Variants in RIC8B observed in about 807,000 individuals in gnomAD.
RIC8B encodes RIC8 guanine nucleotide exchange factor B, also known as chaperone Ric-8B.
A neutral mutation model predicts 57.5 loss-of-function variants in RIC8B; 16 were observed. The observed-to-expected ratio is 0.28, with a 90% CI of 0.19 to 0.42. RIC8B has a LOEUF of 0.42. Ranked by LOEUF, RIC8B falls within the 10% of genes least tolerant of loss-of-function variation. The pLI is 1.00. For missense variants in RIC8B, 481 were observed against 677.0 expected (o/e 0.71, Z 3.21); for synonymous variants, 216 against 250.8 (o/e 0.86, Z 1.31).
intron 4 of RIC8B, among the ~76,000 whole-genome samples, chr12:106,827,833 G>A (rs1241065281): frequency 6.6e-6 from 1 of 152,036 alleles, no homozygotes; most frequent in East Asian, 1.9e-4. Flanking sequence ...ATAAGCCCAA[G>A]AGTAAATTGA....
intron 7 of RIC8B, among the ~76,000 whole-genome samples, chr12:106,854,199 T>C (rs989310669): frequency 7.2e-5 from 11 of 152,144 alleles, no homozygotes; most frequent in African/African-American, 2.7e-4. Context: ...TTTTTAAATG[T>C]TGTCAGCTAG....
chr12:106,824,226 A>T (rs911154018), intron 3 of RIC8B, among the ~76,000 whole-genome samples: 1 of 152,214 alleles, frequency 6.6e-6, no homozygotes, highest in East Asian at 1.9e-4. Flanking sequence ...ACTTTTATGC[A>T]TATCATCTTC....
At chr12:106,777,544 T>C (rs1216517969) in intron 1 of RIC8B, among the ~76,000 whole-genome samples, 1 of 152,150 alleles carries the variant, frequency 6.6e-6, no homozygotes, top group East Asian at 1.9e-4. Flanking sequence ...CGGTTCGTTA[T>C]TTGGGAGAGT....
At chr12:106,855,037 G>C (rs553295149) in intron 7 of RIC8B, among the ~76,000 whole-genome samples, 1 of 152,258 alleles carries the variant, frequency 6.6e-6, no homozygotes, top group African/African-American at 2.4e-5. Context: ...GCCTTACATT[G>C]TTTAATTAAA....
At chr12:106,785,813 C>CTCTGTG (rs1376526047) in intron 2 of RIC8B, among the ~76,000 whole-genome samples, 1 of 123,852 alleles carries the variant, frequency 8.1e-6, no homozygotes, top group Non-Finnish European at 1.7e-5. Flanking sequence ...CTCTCTCTCT[C>CTCTGTG]TGTGTGTGTG....
chr12:106,837,341 G>A (rs1445746126), intron 4 of RIC8B, among the ~76,000 whole-genome samples: 3 of 151,550 alleles, frequency 2.0e-5, no homozygotes, highest in Non-Finnish European at 2.9e-5. Flanking sequence ...CAGCCTGGGC[G>A]ACAGAGCAAG....
At chr12:106,817,779 C>T (rs1316676025) in intron 3 of RIC8B, among the ~76,000 whole-genome samples, 1 of 149,400 alleles carries the variant, frequency 6.7e-6, no homozygotes, top group East Asian at 2.0e-4. Context: ...AAGCGGAGAT[C>T]GCGCCACTGC....
In RIC8B at chr12:106,870,725, T is replaced by TTA. The variant is rs1382689073; in HGVS notation, c.1452-95_1452-94dup. 1.5e-5 allele frequency: 15 copies of TTA among 988,852 alleles called. No individual in the cohort carries two copies. The East Asian group carries it at 4.1e-4, about 27-fold the overall frequency. 61.3% of individuals were successfully genotyped at this position (988,852 alleles called of 1,614,324 possible). ...GAAATTATTGCCAATTTTTTGGCTA[T>TTA]TATACTCTTTCTTATTATCACTTAA... On this transcript the variant is annotated intron_variant, in intron 8 of 9. Coordinates refer to ENST00000392837, the MANE Select transcript of RIC8B (RefSeq NM_001330145.2).
intron 1 of RIC8B, among the ~76,000 whole-genome samples, chr12:106,780,194 G>A (rs1231281783): frequency 5.9e-5 from 9 of 152,134 alleles, no homozygotes. Context: ...TTTAATAGAT[G>A]ACTCATCAAC....
At chr12:106,777,402 A>G (rs2043543244) in intron 1 of RIC8B, among the ~76,000 whole-genome samples, 1 of 152,184 alleles carries the variant, frequency 6.6e-6, no homozygotes, top group Non-Finnish European at 1.5e-5. Context: ...CCTGAAAAAA[A>G]ATAGTTGGGT....
At chr12:106,838,207 G>C (rs746586015) in intron 4 of RIC8B, among the ~76,000 whole-genome samples, 1 of 152,096 alleles carries the variant, frequency 6.6e-6, no homozygotes, top group Non-Finnish European at 1.5e-5. Context: ...TTCAACAAGG[G>C]TGCCAAGAAT....
chr12:106,880,096 C>G, intron 9 of RIC8B: 1 of 341,466 alleles, frequency 2.9e-6, no homozygotes, highest in Non-Finnish European at 4.1e-6. Context: ...ATCAGTAACT[C>G]TTTATGAAAT....
chr12:106,857,183 A>G (rs1949747167), intron 7 of RIC8B, among the ~76,000 whole-genome samples: 1 of 152,178 alleles, frequency 6.6e-6, no homozygotes, highest in Admixed American at 6.5e-5. Context: ...CTTTACAAAG[A>G]TATTTTGGGC....
chr12:106,850,736 AT>A (rs900681697), intron 6 of RIC8B, among the ~76,000 whole-genome samples: 1 of 152,194 alleles, frequency 6.6e-6, no homozygotes, highest in African/African-American at 2.4e-5. Context: ...ATTAATAGCC[AT>A]TTTTATTATA....
At chr12:106,878,949 A>T in intron 9 of RIC8B, 1 of 985,472 alleles carries the variant, frequency 1.0e-6, no homozygotes, top group Non-Finnish European at 1.2e-6. Flanking sequence ...TTATCAAAAG[A>T]GCAGACTGGT....
intron 4 of RIC8B, among the ~76,000 whole-genome samples, chr12:106,831,347 A>AT (rs1003909450): frequency 6.6e-6 from 1 of 152,104 alleles, no homozygotes. Flanking sequence ...GAGAAAAAAA[A>AT]TTTTTTTAAT....
chr12:106,798,167 T>G (rs2044571903), intron 2 of RIC8B: 15 of 551,660 alleles, frequency 2.7e-5, no homozygotes, highest in Non-Finnish European at 4.7e-5. Context: ...TGCCTCGGAT[T>G]CATTTTTTGT....
At chr12:106,851,902 C>T (rs1327645066) in intron 7 of RIC8B, among the ~76,000 whole-genome samples, 2 of 152,136 alleles carry the variant, frequency 1.3e-5, no homozygotes, top group Non-Finnish European at 2.9e-5. Flanking sequence ...AAAATTGGTT[C>T]AGTAATTCAG....
chr12:106,887,896 A>G lies in RIC8B; in HGVS notation c.*1881A>G, dbSNP rs572485557. On this transcript the variant is annotated 3_prime_UTR_variant, in exon 10 of 10. Transcript: ENST00000392837. ...AAATTAAATCCAGAACGCTTTATAA[A>G]AGGGTAGGAAGAAGACAATAGATGT... The G allele has an allele frequency of 2.1e-3, 324 of 152,670 alleles. 2 individuals carry two copies. The highest frequency in any genetic ancestry group is 7.4e-3 in the African/African-American group (309 of 41,562). 9.5% of individuals were successfully genotyped at this position (152,670 alleles called of 1,614,324 possible). A position where few individuals can be genotyped will look rare whatever the true frequency, so the allele number is the denominator to read the frequency against.
Sources: allele counts gnomAD v4.1 joint callset (sites outside exome capture counted in the v4.1 genomes callset), GRCh38; gene constraint gnomAD v4.1.1; transcripts MANE v1.5; gene names NCBI Gene and HGNC (gene_info 2026-07-23, HGNC 2026-07-21).